UBE2G1: variants seen among roughly 807,000 people sequenced by gnomAD.
UBE2G1 encodes the protein ubiquitin conjugating enzyme E2 G1, also known as ubiquitin-conjugating enzyme E2 G1.
A neutral mutation model predicts 22.7 loss-of-function variants in UBE2G1; 5 were observed. The ratio of observed to expected loss-of-function variants is 0.22; its 90% CI spans 0.12 to 0.46. The LOEUF is 0.46. UBE2G1 is among the 20% of genes least tolerant of loss of function. UBE2G1 has a pLI of 0.99. For missense variants in UBE2G1, 88 were observed against 203.9 expected (o/e 0.43, Z 3.46); for synonymous variants, 74 against 67.5 (o/e 1.10, Z -0.47).
In UBE2G1 at chr17:4,282,844, A is replaced by G; in HGVS notation, c.504T>C (p.Ala168=). The change falls in exon 5 of 6, where the codon GCT becomes GCC. Residue 168 remains alanine (A), a synonymous_variant. Transcript: ENST00000396981. ...ARCVRKSQET[A]FE ...AGCTGCTAAATAAATGTCACTCAAA[A>G]GCAGTCTCTTGGCTTTTTCTTACAC... 10 of 1,612,192 alleles carry G rather than the reference A, an allele frequency of 6.2e-6. No homozygotes were observed. The highest frequency in any genetic ancestry group is 8.5e-6 in the Non-Finnish European group (10 of 1,179,196).
chr17:4,350,001 G>T (rs952086265), intron 1 of UBE2G1, among the ~76,000 whole-genome samples: 2 of 152,022 alleles, frequency 1.3e-5, no homozygotes, highest in African/African-American at 4.8e-5. Flanking sequence ...TGCTCAGGCT[G>T]GTCTCAAAAC....
intron 1 of UBE2G1, among the ~76,000 whole-genome samples, chr17:4,363,461 T>C (rs1481964570): frequency 9.9e-5 from 15 of 152,140 alleles, no homozygotes; most frequent in Admixed American, 9.8e-4. Context: ...TGGGACGTTT[T>C]ATTAATATTT....
chr17:4,291,763 A>T (rs1324409500), intron 3 of UBE2G1, among the ~76,000 whole-genome samples: 5 of 152,186 alleles, frequency 3.3e-5, no homozygotes, highest in Non-Finnish European at 7.4e-5. Flanking sequence ...CTCAGGATGA[A>T]CATTTTCCTT....
chr17:4,321,951 T>C (rs1969444906), intron 1 of UBE2G1, among the ~76,000 whole-genome samples: 1 of 152,250 alleles, frequency 6.6e-6, no homozygotes, highest in Non-Finnish European at 1.5e-5. Context: ...AATTTTTCTT[T>C]TTTATATTTT....
intron 5 of UBE2G1, among the ~76,000 whole-genome samples, chr17:4,276,340 AT>A (rs898532644): frequency 3.7e-4 from 55 of 146,688 alleles, no homozygotes; most frequent in Admixed American, 1.1e-3. Context: ...GTACTGGCTA[AT>A]TTTTTTTTTT....
intron 1 of UBE2G1, among the ~76,000 whole-genome samples, chr17:4,318,134 G>A (rs1057172972): frequency 6.6e-6 from 1 of 152,064 alleles, no homozygotes; most frequent in Non-Finnish European, 1.5e-5. Context: ...GTTGCAACAC[G>A]GAGAAGATAT....
intron 1 of UBE2G1, among the ~76,000 whole-genome samples, chr17:4,346,661 C>G (rs914925296): frequency 6.6e-6 from 1 of 150,666 alleles, no homozygotes; most frequent in African/African-American, 2.4e-5. Flanking sequence ...GTCTTGAACT[C>G]CTGACCTCGT....
chr17:4,313,277 C>T (rs1345995093), intron 1 of UBE2G1, among the ~76,000 whole-genome samples: 2 of 152,144 alleles, frequency 1.3e-5, no homozygotes, highest in Admixed American at 6.5e-5. Context: ...AAGGTTAGTA[C>T]AGCAATAAAG....
At chr17:4,280,333 G>T (rs1243986937) in intron 5 of UBE2G1, among the ~76,000 whole-genome samples, 1 of 125,076 alleles carries the variant, frequency 8.0e-6, no homozygotes. Flanking sequence ...CGCGGCACCT[G>T]GGCTTTTTTT....
intron 1 of UBE2G1, among the ~76,000 whole-genome samples, chr17:4,362,433 C>G (rs529442813): frequency 6.6e-6 from 1 of 152,194 alleles, no homozygotes; most frequent in South Asian, 2.1e-4. Context: ...GGGTGAAGGC[C>G]ACGAATGCTG....
In UBE2G1 at chr17:4,269,382, C is replaced by T. The variant is rs1184106818; in HGVS notation, c.*3172G>A. ...TAAATACAATCAACAAATTACAGAA[C>T]TAAAAAAACTGAAATGAAGCAACAT... On this transcript the variant is annotated 3_prime_UTR_variant, in exon 6 of 6. Coordinates refer to ENST00000396981, the MANE Select transcript of UBE2G1 (RefSeq NM_003342.5). The T allele has an allele frequency of 6.6e-6, 1 of 152,504 alleles. No homozygotes were observed. Among genetic ancestry groups the T allele is most frequent in the Non-Finnish European group, 1.5e-5 (1 of 68,170 alleles). 9.4% of individuals were successfully genotyped at this position (152,504 alleles called of 1,614,324 possible).
intron 1 of UBE2G1, among the ~76,000 whole-genome samples, chr17:4,328,869 G>A (rs562356810): frequency 2.0e-5 from 3 of 152,106 alleles, no homozygotes; most frequent in Non-Finnish European, 2.9e-5. Context: ...GGCAGATCAC[G>A]AGGTCAGGAG....
intron 1 of UBE2G1, among the ~76,000 whole-genome samples, chr17:4,347,667 G>T (rs1357162855): frequency 1.3e-5 from 2 of 151,908 alleles, no homozygotes; most frequent in Admixed American, 1.3e-4. Context: ...AGTAGATACA[G>T]GTTTTCACCA....
intron 1 of UBE2G1, among the ~76,000 whole-genome samples, chr17:4,329,260 G>A (rs907820167): frequency 2.6e-5 from 4 of 152,008 alleles, no homozygotes; most frequent in Admixed American, 6.6e-5. Flanking sequence ...TGAGTCAGGC[G>A]TGGTGGAGTG....
intron 1 of UBE2G1, among the ~76,000 whole-genome samples, chr17:4,362,721 G>A (rs550636559): frequency 9.9e-5 from 15 of 152,144 alleles, no homozygotes; most frequent in Non-Finnish European, 1.8e-4. Flanking sequence ...TTAGCCTGGC[G>A]TGGTAGTACA....
At chr17:4,276,460 C>T (rs1313032461) in intron 5 of UBE2G1, among the ~76,000 whole-genome samples, 2 of 152,084 alleles carry the variant, frequency 1.3e-5, no homozygotes, top group Non-Finnish European at 2.9e-5. Context: ...CCCCTGGCCT[C>T]CACTGAAGTT....
At chr17:4,280,336 CTT>C (rs71144178) in intron 5 of UBE2G1, among the ~76,000 whole-genome samples, 878 of 68,952 alleles carry the variant, frequency 0.013, 282 homozygotes, top group South Asian at 0.038. Context: ...GGCACCTGGG[CTT>C]TTTTTTTTTT....
intron 1 of UBE2G1, among the ~76,000 whole-genome samples, chr17:4,321,659 T>C (rs1179853532): frequency 6.6e-6 from 1 of 152,026 alleles, no homozygotes; most frequent in Non-Finnish European, 1.5e-5. Flanking sequence ...TGTCTGTCTT[T>C]TTTTTGTATT....
chr17:4,282,954 C>T, intron 4 of UBE2G1, 33 bp from the exon 5 acceptor site: 1 of 1,505,618 alleles, frequency 6.6e-7, no homozygotes, highest in South Asian at 1.2e-5. Context: ...CAAGTGATTT[C>T]ATGCAAACTC....
Sources: gnomAD v4.1 joint callset for allele counts (sites outside exome capture counted in the v4.1 genomes callset) on GRCh38, gnomAD v4.1.1 for gene constraint, MANE v1.5 for transcripts, NCBI Gene and HGNC (gene_info 2026-07-23, HGNC 2026-07-21) for gene names.